The following PPTC7 variants were observed in gnomAD, a reference collection of about 807,000 sequenced individuals.
PPTC7 encodes the protein protein phosphatase targeting COQ7.
A neutral mutation model predicts 30.8 loss-of-function variants in PPTC7; 6 were observed. The observed-to-expected ratio is 0.19, with a 90% confidence interval of 0.11 to 0.38. The LOEUF (loss-of-function observed/expected upper bound fraction) is 0.38, where lower values mean the gene tolerates loss of function less well. Ranked by LOEUF, PPTC7 falls within the 10% of genes least tolerant of loss-of-function variation. The pLI is 1.00. For missense variants in PPTC7, 218 were observed against 404.8 expected (o/e 0.54, Z 3.96); for synonymous variants, 163 against 168.1 (o/e 0.97, Z 0.23).
At chr12:110,580,420 C>G (rs532702249) in intron 1 of PPTC7, among the ~76,000 whole-genome samples, 214 of 151,716 alleles carry the variant, frequency 1.4e-3, no homozygotes, top group Non-Finnish European at 1.6e-3. Flanking sequence ...CTCACCGCAA[C>G]CTCCATCTCC....
intron 1 of PPTC7, among the ~76,000 whole-genome samples, chr12:110,556,003 T>C (rs1467145156): frequency 2.0e-5 from 3 of 152,228 alleles, no homozygotes; most frequent in Admixed American, 2.0e-4. Flanking sequence ...CTGGTACAAC[T>C]ACAATTAACT....
chr12:110,582,746 G>A (rs2064649125), intron 1 of PPTC7, 63 bp downstream of exon 1: 1 of 1,372,886 alleles, frequency 7.3e-7, no homozygotes, highest in Non-Finnish European at 9.8e-7. Context: ...GGGAAGCCCC[G>A]CGCGGGGAGT....
rs80132535 is a variant in PPTC7, at chr12:110,543,439, A to G, written c.602+2441T>C. 6.8e-3 allele frequency among the ~76,000 whole-genome samples: 1,039 copies of G among 152,228 alleles called. 1 individual carries two copies. Among genetic ancestry groups the G allele is most frequent in the Non-Finnish European group, 9.3e-3 (635 of 68,006 alleles). On this transcript the variant is annotated intron_variant, in intron 3 of 5. Transcript: ENST00000354300. ...CTAAGGAGATACATGCAGCATGAAA[A>G]AAAAAAAAGGGAAAAAGACTGTAAA...
intron 3 of PPTC7, among the ~76,000 whole-genome samples, chr12:110,543,064 C>T (rs1394433052): frequency 6.6e-6 from 1 of 152,164 alleles, no homozygotes; most frequent in Admixed American, 6.5e-5. Context: ...AAATCAGATA[C>T]CGACCCGGAA....
At chr12:110,564,599 C>A (rs2064464719) in intron 1 of PPTC7, among the ~76,000 whole-genome samples, 1 of 152,074 alleles carries the variant, frequency 6.6e-6, no homozygotes, top group Non-Finnish European at 1.5e-5. Flanking sequence ...TAAGGGCTGG[C>A]CTTGACTAAA....
chr12:110,548,106 CAAAA>C (rs779977311), intron 2 of PPTC7, among the ~76,000 whole-genome samples: 1 of 109,708 alleles, frequency 9.1e-6, no homozygotes, highest in Non-Finnish European at 1.9e-5. Flanking sequence ...GACTCTGTCT[CAAAA>C]AAAAAAAAAA....
intron 3 of PPTC7, among the ~76,000 whole-genome samples, chr12:110,540,798 CAG>C (rs2064253037): frequency 6.7e-6 from 1 of 148,664 alleles, no homozygotes; most frequent in African/African-American, 2.5e-5. Context: ...TTTTTTGAGA[CAG>C]AGTCTCGCTC....
At chr12:110,560,459 C>T (rs2064430122) in intron 1 of PPTC7, among the ~76,000 whole-genome samples, 1 of 151,924 alleles carries the variant, frequency 6.6e-6, no homozygotes, top group African/African-American at 2.4e-5. Context: ...CTTAAAAATC[C>T]TATCTTCCCA....
intron 3 of PPTC7, among the ~76,000 whole-genome samples, chr12:110,540,932 T>C (rs979071920): frequency 3.3e-5 from 5 of 151,556 alleles, no homozygotes; most frequent in Non-Finnish European, 7.4e-5. Context: ...CCCGCAACCA[T>C]GCCCGGCTAA....
intron 1 of PPTC7, among the ~76,000 whole-genome samples, chr12:110,557,153 CATG>C (rs1395563260): frequency 1.3e-5 from 2 of 152,232 alleles, no homozygotes; most frequent in Non-Finnish European, 2.9e-5. Context: ...CCACTAGCCA[CATG>C]TGGCTATTGA....
intron 1 of PPTC7, among the ~76,000 whole-genome samples, chr12:110,561,900 C>A (rs2064440628): frequency 6.6e-6 from 1 of 151,994 alleles, no homozygotes; most frequent in East Asian, 1.9e-4. Context: ...TGTGATCGTG[C>A]CACTGTACAT....
chr12:110,564,757 CAT>C (rs1220237684), intron 1 of PPTC7, among the ~76,000 whole-genome samples: 2 of 148,054 alleles, frequency 1.4e-5, no homozygotes, highest in Non-Finnish European at 3.0e-5. Context: ...TTTATATACA[CAT>C]ATATATACAC....
chr12:110,555,600 T>C (rs1031774472), intron 1 of PPTC7, among the ~76,000 whole-genome samples: 1 of 152,220 alleles, frequency 6.6e-6, no homozygotes. Context: ...ATCCATTTCA[T>C]AGTCCACTCG....
At chr12:110,555,712 T>C (rs1307884388) in intron 1 of PPTC7, among the ~76,000 whole-genome samples, 1 of 152,158 alleles carries the variant, frequency 6.6e-6, no homozygotes, top group African/African-American at 2.4e-5. Context: ...CCGGGCTAAC[T>C]AGGGATCTAT....
intron 1 of PPTC7, among the ~76,000 whole-genome samples, chr12:110,560,509 C>T (rs2064430527): frequency 6.6e-6 from 1 of 152,120 alleles, no homozygotes; most frequent in South Asian, 2.1e-4. Context: ...AAAAGGCTTA[C>T]TATAAGAAAG....
intron 1 of PPTC7, among the ~76,000 whole-genome samples, chr12:110,562,103 A>G (rs2064442548): frequency 6.6e-6 from 1 of 151,880 alleles, no homozygotes; most frequent in Non-Finnish European, 1.5e-5. Flanking sequence ...GTGAAAGAGC[A>G]AGACACTGTC....
rs57076956 is a variant in PPTC7, at chr12:110,535,364, C to T, written c.*1673G>A. ...ACGGCTTACAAATGAATAACTCATT[C>T]TTATTATAAATGAAATGCCTGTTAC... On this transcript the variant is annotated 3_prime_UTR_variant, in exon 6 of 6. Coordinates refer to ENST00000354300, the MANE Select transcript of PPTC7 (RefSeq NM_139283.2). The T allele has an allele frequency of 9.6e-4, 146 of 152,620 alleles. No individual in the cohort carries two copies. The highest frequency in any genetic ancestry group is 2.7e-3 in the African/African-American group (113 of 41,524). 9.5% of individuals were successfully genotyped at this position (152,620 alleles called of 1,614,324 possible).
intron 1 of PPTC7, among the ~76,000 whole-genome samples, chr12:110,552,337 T>G (rs914040651): frequency 2.0e-5 from 3 of 152,236 alleles, no homozygotes; most frequent in African/African-American, 4.8e-5. Context: ...CTGATGCTAG[T>G]GACGATACAA....
At chr12:110,538,390 T>C (rs1405718620) in intron 4 of PPTC7, 117 bp from the exon 5 acceptor site, 9 of 960,722 alleles carry the variant, frequency 9.4e-6, no homozygotes, top group Middle Eastern at 3.3e-4. Context: ...TAAAACATCA[T>C]GCCCTGGCTA....
Sources: gnomAD v4.1 joint callset for allele counts (sites outside exome capture counted in the v4.1 genomes callset) on GRCh38, gnomAD v4.1.1 for gene constraint, MANE v1.5 for transcripts, NCBI Gene and HGNC (gene_info 2026-07-23, HGNC 2026-07-21) for gene names.